Variants in HOMER2 observed in about 807,000 individuals in gnomAD.
The protein encoded by HOMER2 is homer scaffold protein 2.
In HOMER2, 27 loss-of-function variants were observed where a neutral mutation model predicts 47.0. The ratio of observed to expected loss-of-function variants is 0.57; its 90% CI spans 0.42 to 0.79. The LOEUF is 0.79. Among genes scored for constraint, HOMER2 ranks in the 30% least tolerant of loss-of-function variants. HOMER2 has a pLI of 0.00. For missense variants in HOMER2, 443 were observed against 435.0 expected, an observed-to-expected ratio of 1.02 and a Z score of -0.16; for synonymous variants, 161 against 163.8, an observed-to-expected ratio of 0.98 and a Z score of 0.13.
chr15:82,982,404 C>T (rs1424054520), intron 1 of HOMER2, among the ~76,000 whole-genome samples: 2 of 152,120 alleles, frequency 1.3e-5, no homozygotes. Flanking sequence ...AATGAAAAGA[C>T]ATTGGTGGGC....
Position 82,952,693 on chromosome 15 carries a change from T to C in HOMER2, c.-158A>G, listed in dbSNP as rs1254805590. ...CGCGGGGCTGCGCGGCTGCCACTGC[T>C]GCCACTGCCGCCACCGCCGCCAGGC... On this transcript the variant is annotated 5_prime_UTR_variant, in exon 1 of 9. Coordinates refer to ENST00000450735, the MANE Select transcript of HOMER2 (RefSeq NM_004839.4). 4.1e-6 allele frequency: 4 copies of C among 986,820 alleles called. No individual in the cohort carries two copies. Among genetic ancestry groups the C allele is most frequent in the South Asian group, 9.2e-5 (2 of 21,710 alleles). 61.1% of individuals were successfully genotyped at this position (986,820 alleles called of 1,614,324 possible).
At chr15:82,979,892 T>C (rs1443986477) in intron 1 of HOMER2, among the ~76,000 whole-genome samples, 2 of 152,080 alleles carry the variant, frequency 1.3e-5, no homozygotes, top group African/African-American at 2.4e-5. Context: ...TTTATGAGTC[T>C]AGAGCTCATA....
chr15:82,972,689 A>G (rs964764397), intron 1 of HOMER2, among the ~76,000 whole-genome samples: 2 of 152,220 alleles, frequency 1.3e-5, no homozygotes, highest in Admixed American at 6.5e-5. Context: ...CCTTAAAAAA[A>G]AAAGAAAGAA....
intron 1 of HOMER2, among the ~76,000 whole-genome samples, chr15:82,910,341 AAAG>A (rs1359619841): frequency 3.9e-5 from 6 of 152,074 alleles, no homozygotes; most frequent in African/African-American, 1.4e-4. Flanking sequence ...GTTTTATTAG[AAAG>A]AAGGAACGCT....
At chr15:82,952,465 G>A in intron 1 of HOMER2, 66 bp downstream of exon 1, 1 of 1,101,946 alleles carries the variant, frequency 9.1e-7, no homozygotes, top group Non-Finnish European at 1.1e-6. Context: ...GCCCGGTTAC[G>A]CCAGCCGCGG....
chr15:82,840,811 A>T (rs961289560), exon 2 of HOMER2: 1 of 322 alleles, frequency 3.1e-3, no homozygotes, highest in Non-Finnish European at 5.7e-3. Context: ...AAAAAAATTA[A>T]AAAAAAACAA....
At chr15:82,881,129 C>G (rs2151082632) in intron 2 of HOMER2, among the ~76,000 whole-genome samples, 1 of 152,376 alleles carries the variant, frequency 6.6e-6, no homozygotes. Flanking sequence ...ACACCTTCTT[C>G]TTGCGTGAGT....
chr15:82,928,141 A>G (rs1292717024), intron 1 of HOMER2, among the ~76,000 whole-genome samples: 2 of 152,202 alleles, frequency 1.3e-5, no homozygotes, highest in Non-Finnish European at 2.9e-5. Context: ...TGGCCTAAAG[A>G]CCAGCCAGAA....
At chr15:82,965,835 C>T (rs2054669707) in intron 1 of HOMER2, among the ~76,000 whole-genome samples, 1 of 151,722 alleles carries the variant, frequency 6.6e-6, no homozygotes, top group Admixed American at 6.6e-5. Context: ...TAGCTCAGGC[C>T]TGTAATTCCA....
intron 1 of HOMER2, among the ~76,000 whole-genome samples, chr15:82,901,350 A>AAACATTACGGCG (rs1213866968): frequency 9.2e-5 from 14 of 152,200 alleles, no homozygotes; most frequent in Admixed American, 9.2e-4. Flanking sequence ...CAGGATAGGT[A>AAACATTACGGCG]AACATTACGG....
intron 1 of HOMER2, among the ~76,000 whole-genome samples, chr15:82,901,022 T>G (rs569642074): frequency 1.3e-5 from 2 of 152,170 alleles, no homozygotes; most frequent in African/African-American, 4.8e-5. Context: ...GACACTACCT[T>G]ATTTCCTAGA....
chr15:82,850,373 A>C (rs1048971123), intron 8 of HOMER2, among the ~76,000 whole-genome samples: 2 of 152,180 alleles, frequency 1.3e-5, no homozygotes, highest in Non-Finnish European at 2.9e-5. Context: ...TGGCCCTCAG[A>C]GAGGAAGGAC....
chr15:82,879,365 G>C (rs1182789096), intron 2 of HOMER2, among the ~76,000 whole-genome samples: 1 of 152,152 alleles, frequency 6.6e-6, no homozygotes, highest in Non-Finnish European at 1.5e-5. Context: ...GCATGGTGCT[G>C]TGCACCTATA....
rs1420279960 is a variant in HOMER2 at position 82,859,666 on chromosome 15, G to T, written c.388-531C>A. Among the ~76,000 whole-genome samples the T allele has an allele frequency of 3.9e-5, 6 of 152,330 alleles. No individual in the cohort carries two copies. The South Asian group carries it at 1.2e-3, about 32-fold the overall frequency. ...AAAGAGACAAGAACCAGGTCCTGTT[G>T]TTTGCCCACTCCCTTACTACTTAGT... On this transcript the variant is annotated intron_variant, in intron 4 of 8. Coordinates refer to ENST00000450735, the MANE Select transcript of HOMER2 (RefSeq NM_004839.4).
intron 1 of HOMER2, among the ~76,000 whole-genome samples, chr15:82,938,441 C>A (rs1465623653): frequency 1.3e-5 from 2 of 152,120 alleles, no homozygotes; most frequent in African/African-American, 2.4e-5. Flanking sequence ...CCTCAAAATG[C>A]CTCTATACCT....
At chr15:82,950,634 G>C (rs1368328640) in intron 1 of HOMER2, among the ~76,000 whole-genome samples, 1 of 152,168 alleles carries the variant, frequency 6.6e-6, no homozygotes, top group Non-Finnish European at 1.5e-5. Context: ...AGAAGACATG[G>C]ATCTATTAAA....
exon 2 of HOMER2, chr15:82,837,452 A>G (rs1169092967): frequency 1.3e-5 from 2 of 152,188 alleles, no homozygotes; most frequent in East Asian, 3.9e-4. Flanking sequence ...GGCAACACAA[A>G]TAGTTCTGAA....
intron 4 of HOMER2, 81 bp from the exon 5 acceptor site, chr15:82,859,216 G>A (rs767781051): frequency 8.8e-6 from 14 of 1,598,752 alleles, no homozygotes; most frequent in African/African-American, 5.4e-5. Flanking sequence ...TCTGCACATC[G>A]GCAGCAAGTT....
At chr15:82,902,131 TAAAC>T (rs1027906511) in intron 1 of HOMER2, among the ~76,000 whole-genome samples, 2 of 151,928 alleles carry the variant, frequency 1.3e-5, no homozygotes, top group Admixed American at 1.3e-4. Context: ...AAGGAAGTTT[TAAAC>T]AAAAAGAGTT....
Sources: allele counts gnomAD v4.1 joint callset (sites outside exome capture counted in the v4.1 genomes callset), GRCh38; gene constraint gnomAD v4.1.1; transcripts MANE v1.5; gene names NCBI Gene and HGNC (gene_info 2026-07-23, HGNC 2026-07-21).